The following CCDC88A variants were observed in gnomAD, a reference collection of about 807,000 sequenced individuals.
The protein encoded by CCDC88A is coiled-coil and HOOK domain protein 88A, also known as girdin.
In CCDC88A, 54 loss-of-function variants were observed where a neutral mutation model predicts 234.3. The ratio of observed to expected loss-of-function variants is 0.23; its 90% CI spans 0.19 to 0.29. The LOEUF (loss-of-function observed/expected upper bound fraction) is 0.29, where lower values mean the gene tolerates loss of function less well. Among genes scored for constraint, CCDC88A ranks in the 10% least tolerant of loss-of-function variants. CCDC88A has a pLI of 1.00. For synonymous variants in CCDC88A, 753 were observed against 737.8 expected (o/e 1.02, Z -0.33); for missense variants, 1,832 against 2,123.4 (o/e 0.86, Z 2.70).
At position 55,289,235 on chromosome 2, in the gene CCDC88A, G is replaced by C. The variant is rs1679276518; in HGVS notation, c.*1965C>G. 6.6e-6 allele frequency: 1 copy of C among 152,582 alleles called. No individual in the cohort carries two copies. Among genetic ancestry groups the C allele is most frequent in the South Asian group, 2.1e-4 (1 of 4,830 alleles). 9.5% of individuals were successfully genotyped at this position (152,582 alleles called of 1,614,324 possible). On this transcript the variant is annotated 3_prime_UTR_variant, in exon 33 of 33. Coordinates refer to ENST00000436346, the MANE Select transcript of CCDC88A (RefSeq NM_001365480.1). The stretch of plus-strand genomic sequence containing the variant: ...CTACATCACCACCCATTAAATTTCA[G>C]CTTTTCAGTAATTGTTCTGGGATGT...
At position 55,338,957 on chromosome 2, in the gene CCDC88A, CT is replaced by C. The variant is rs1194431380; in HGVS notation, c.1518+506del. On this transcript the variant is annotated intron_variant, in intron 13 of 32. Coordinates refer to ENST00000436346, the MANE Select transcript of CCDC88A (RefSeq NM_001365480.1). ...TGTAACTCCTCTAGCCCTGCTTATT[CT>C]TTTTTTTTTTTTTTGAGATTTTGAG... The C allele has an allele frequency of 6.5e-3, 919 of 141,774 alleles. 1 individual carries two copies. The highest frequency in any genetic ancestry group is 9.0e-3 in the Non-Finnish European group (577 of 64,262). The allele number at this position is 141,774 out of a possible 1,614,324, so 8.8% of individuals were successfully genotyped here.
At chr2:55,294,966 C>G in intron 31 of CCDC88A, 1 of 1,194,046 alleles carries the variant, frequency 8.4e-7, no homozygotes, top group Non-Finnish European at 1.1e-6. Flanking sequence ...AAATAAAAAC[C>G]TAGCCAAATG....
chr2:55,403,620 A>G (rs1358689489), intron 2 of CCDC88A: 2 of 152,266 alleles, frequency 1.3e-5, no homozygotes, highest in Non-Finnish European at 2.9e-5. Context: ...TCTTAGTATT[A>G]TTATGAAAAT....
At chr2:55,406,560 C>G (rs1375185483) in intron 2 of CCDC88A, among the ~76,000 whole-genome samples, 2 of 152,024 alleles carry the variant, frequency 1.3e-5, no homozygotes, top group African/African-American at 4.8e-5. Flanking sequence ...TTGAGAGCAG[C>G]CTGGCCAACA....
At position 55,343,735 on chromosome 2, in the gene CCDC88A, C is replaced by G. The variant is rs762504211; in HGVS notation, c.1246G>C (p.Glu416Gln). The G allele has an allele frequency of 6.2e-7, 1 of 1,610,818 alleles. No homozygotes were observed. The change falls in exon 12 of 33, where the codon GAA (glutamate) becomes CAA (glutamine). Residue 416 changes from glutamate to glutamine, a missense_variant. Physicochemically the swap from Glu to Gln is conservative, Grantham distance 29. Transcript: ENST00000436346. ...TCCATACTTTGTTTCTGTGCCATTT[C>G]CAAAGTCATATTTTCTTCCATTAAT... ...EELMEENMTL[E>Q]MAQKQSMDES...
chr2:55,363,315 A>T (rs1341469865), intron 6 of CCDC88A, among the ~76,000 whole-genome samples: 1 of 151,938 alleles, frequency 6.6e-6, no homozygotes, highest in South Asian at 2.1e-4. Flanking sequence ...ACTATAAAAA[A>T]TTTTCTTTTC....
intron 2 of CCDC88A, chr2:55,403,256 C>G (rs1369358767): frequency 2.0e-5 from 3 of 152,188 alleles, no homozygotes; most frequent in Non-Finnish European, 2.9e-5. Flanking sequence ...TTCCAAAAAA[C>G]AGAGACTACT....
chr2:55,371,368 T>C (rs1018412250), intron 5 of CCDC88A, among the ~76,000 whole-genome samples: 2 of 152,194 alleles, frequency 1.3e-5, no homozygotes, highest in Non-Finnish European at 2.9e-5. Context: ...CACTGGGACA[T>C]ATAATTTCTG....
chr2:55,327,328 G>A (rs1347157945), intron 17 of CCDC88A, among the ~76,000 whole-genome samples: 1 of 152,168 alleles, frequency 6.6e-6, no homozygotes, highest in Non-Finnish European at 1.5e-5. Context: ...ACTTCTCTGA[G>A]TACAGCAACT....
intron 31 of CCDC88A, chr2:55,294,333 AAATAC>A: frequency 1.0e-6 from 1 of 983,960 alleles, no homozygotes; most frequent in Non-Finnish European, 1.2e-6. Context: ...AAGAAACAAT[AAATAC>A]AAATGTTCCT....
intron 13 of CCDC88A, among the ~76,000 whole-genome samples, chr2:55,337,900 CA>C (rs1479285093): frequency 6.6e-6 from 1 of 151,978 alleles, no homozygotes; most frequent in Non-Finnish European, 1.5e-5. Context: ...AGCATCAGGT[CA>C]AAAAACTTAT....
At chr2:55,413,513 G>C (rs4672040) in intron 2 of CCDC88A, among the ~76,000 whole-genome samples, 1 of 152,060 alleles carries the variant, frequency 6.6e-6, no homozygotes, top group African/African-American at 2.4e-5. Flanking sequence ...ATGTCTATCT[G>C]ACATAAGGCT....
intron 2 of CCDC88A, among the ~76,000 whole-genome samples, chr2:55,398,347 T>C (rs1677980279): frequency 6.6e-6 from 1 of 152,218 alleles, no homozygotes; most frequent in African/African-American, 2.4e-5. Context: ...AAAGTTCCTA[T>C]TTCTTTATAA....
rs2104533972 is a variant in CCDC88A at position 55,290,620 on chromosome 2, G to A, written c.*580C>T. 1 of 152,068 alleles carries A rather than the reference G, an allele frequency of 6.6e-6. No homozygotes were observed. The highest frequency in any genetic ancestry group is 1.9e-4 in the East Asian group (1 of 5,184). 9.4% of individuals were successfully genotyped at this position (152,068 alleles called of 1,614,324 possible). A position where few individuals can be genotyped will look rare whatever the true frequency, so the allele number is the denominator to read the frequency against. The stretch of plus-strand genomic sequence containing the variant: ...GAATTTCTTTTGCATCAAAATAATT[G>A]GCTTTAAGAAAAAAAAAGTATCAAC... On this transcript the variant is annotated 3_prime_UTR_variant, in exon 33 of 33. Coordinates refer to ENST00000436346, the MANE Select transcript of CCDC88A (RefSeq NM_001365480.1).
chr2:55,307,736 T>G (rs1339598554), intron 25 of CCDC88A, among the ~76,000 whole-genome samples: 1 of 149,684 alleles, frequency 6.7e-6, no homozygotes, highest in Non-Finnish European at 1.5e-5. Flanking sequence ...TGATCCTGCT[T>G]TGGCCTCTCA....
At chr2:55,311,025 G>T (rs1034193506) in intron 23 of CCDC88A, among the ~76,000 whole-genome samples, 4 of 152,104 alleles carry the variant, frequency 2.6e-5, no homozygotes, top group Non-Finnish European at 5.9e-5. Flanking sequence ...CATAATCTTT[G>T]GAAGTCAACT....
chr2:55,339,426 T>C, intron 13 of CCDC88A, 38 bp downstream of exon 13: 1 of 1,389,556 alleles, frequency 7.2e-7, no homozygotes, highest in Non-Finnish European at 9.8e-7. Flanking sequence ...TTTTACAAGT[T>C]TTTTTAACAT....
At position 55,396,036 on chromosome 2, in the gene CCDC88A, C is replaced by T. The variant is rs80069338; in HGVS notation, c.165-7150G>A. 4.6e-3 allele frequency among the ~76,000 whole-genome samples: 699 copies of T among 151,636 alleles called. 6 individuals are homozygous for T. Among genetic ancestry groups the T allele is most frequent in the Non-Finnish European group, 7.8e-3 (533 of 67,910 alleles). On this transcript the variant is annotated intron_variant, in intron 2 of 32. Transcript: ENST00000436346. ...GTCATAGTAAAACTGAAGGAAAAACCCTGTTTTATTTAGGCAATCCATTCT... is the reference window on the plus strand; with the variant it reads ...GTCATAGTAAAACTGAAGGAAAAACTCTGTTTTATTTAGGCAATCCATTCT...
chr2:55,370,672 A>G (rs1672708431), intron 5 of CCDC88A, among the ~76,000 whole-genome samples: 1 of 145,662 alleles, frequency 6.9e-6, no homozygotes, highest in South Asian at 2.2e-4. Flanking sequence ...AAAAAAGAGA[A>G]TTAACTTGCA....
Sources: gnomAD v4.1 joint callset for allele counts (sites outside exome capture counted in the v4.1 genomes callset) on GRCh38, gnomAD v4.1.1 for gene constraint, MANE v1.5 for transcripts, NCBI Gene and HGNC (gene_info 2026-07-23, HGNC 2026-07-21) for gene names.